The following DNM3 variants were observed in gnomAD, a reference collection of about 807,000 sequenced individuals.
DNM3 encodes the protein dynamin-3.
Under a neutral mutation model 101.6 loss-of-function variants are expected in DNM3, and 47 were observed. That is an observed-to-expected ratio of 0.46 (90% CI 0.37 to 0.59). DNM3 has a LOEUF of 0.59. Ranked by LOEUF, DNM3 falls within the 20% of genes least tolerant of loss-of-function variation. DNM3 has a pLI of 0.00. For synonymous variants in DNM3, 385 were observed against 387.9 expected, an observed-to-expected ratio of 0.99 and a Z score of 0.09; for missense variants, 849 against 1,085.7, an observed-to-expected ratio of 0.78 and a Z score of 3.06.
intron 1 of DNM3, among the ~76,000 whole-genome samples, chr1:171,889,914 C>A (rs1037097793): frequency 6.6e-6 from 1 of 152,156 alleles, no homozygotes; most frequent in South Asian, 2.1e-4. Flanking sequence ...GTATAGCTGA[C>A]ATGCTTACAT....
At chr1:172,088,356 G>A (rs563785629) in intron 12 of DNM3, among the ~76,000 whole-genome samples, 1 of 152,246 alleles carries the variant, frequency 6.6e-6, no homozygotes, top group African/African-American at 2.4e-5. Flanking sequence ...GAGACAGGGG[G>A]TCTGGGCTGA....
intron 14 of DNM3, chr1:172,133,278 A>C: frequency 9.5e-7 from 1 of 1,054,796 alleles, no homozygotes. Flanking sequence ...TTATTGGCTC[A>C]TCTCCTCTCC....
chr1:172,155,416 G>A (rs1193889752), intron 14 of DNM3, among the ~76,000 whole-genome samples: 2 of 151,982 alleles, frequency 1.3e-5, no homozygotes, highest in East Asian at 1.9e-4. Context: ...CTTTATGGTG[G>A]AGAAAAGAAG....
intron 14 of DNM3, among the ~76,000 whole-genome samples, chr1:172,187,748 G>GA (rs1188653035): frequency 6.6e-6 from 1 of 152,016 alleles, no homozygotes; most frequent in African/African-American, 2.4e-5. Flanking sequence ...CAAATGTTAA[G>GA]AAAATCACTT....
At chr1:171,993,941 A>T (rs544963308) in intron 4 of DNM3, among the ~76,000 whole-genome samples, 8 of 151,272 alleles carry the variant, frequency 5.3e-5, no homozygotes, top group East Asian at 1.9e-4. Flanking sequence ...TGGTTCTTTT[A>T]AAAAAAAATT....
At chr1:172,391,677 G>A (rs1361250214) in intron 20 of DNM3, among the ~76,000 whole-genome samples, 5 of 150,912 alleles carry the variant, frequency 3.3e-5, no homozygotes, top group Non-Finnish European at 5.9e-5. Flanking sequence ...ATCATCTCTG[G>A]GAAAACAACC....
intron 14 of DNM3, among the ~76,000 whole-genome samples, chr1:172,164,510 A>G (rs946233759): frequency 1.3e-5 from 2 of 151,864 alleles, no homozygotes; most frequent in African/African-American, 4.8e-5. Flanking sequence ...GCCAGGCCAG[A>G]CCATGTATCT....
intron 15 of DNM3, among the ~76,000 whole-genome samples, chr1:172,257,987 C>T (rs1040448382): frequency 1.3e-5 from 2 of 151,802 alleles, no homozygotes; most frequent in East Asian, 1.9e-4. Context: ...TAACTACCTC[C>T]GTGAGATAAA....
At chr1:172,305,362 AAC>A (rs1443053702) in intron 15 of DNM3, among the ~76,000 whole-genome samples, 2 of 152,228 alleles carry the variant, frequency 1.3e-5, no homozygotes, top group Admixed American at 1.3e-4. Flanking sequence ...ATAGACCAAT[AAC>A]AGGCTCTGAA....
intron 17 of DNM3, among the ~76,000 whole-genome samples, chr1:172,353,686 A>G (rs959464313): frequency 6.6e-6 from 1 of 152,134 alleles, no homozygotes; most frequent in Non-Finnish European, 1.5e-5. Flanking sequence ...AATTTATTGT[A>G]TGGCCTTGGA....
chr1:172,032,144 C>T (rs1283166028), intron 4 of DNM3, among the ~76,000 whole-genome samples: 2 of 152,104 alleles, frequency 1.3e-5, no homozygotes, highest in East Asian at 3.9e-4. Flanking sequence ...TCTTATATTT[C>T]AAAATTATTT....
At chr1:172,133,069 T>A in intron 14 of DNM3, 1 of 1,451,652 alleles carries the variant, frequency 6.9e-7, no homozygotes, top group East Asian at 2.5e-5. Flanking sequence ...AGAGGACTTA[T>A]GAAGATGAAT....
intron 15 of DNM3, among the ~76,000 whole-genome samples, chr1:172,280,989 T>C (rs1444964305): frequency 6.6e-6 from 1 of 152,148 alleles, no homozygotes; most frequent in Non-Finnish European, 1.5e-5. Context: ...ACAATTATGT[T>C]CAAGGAACAG....
At chr1:172,221,122 C>T (rs964459048) in intron 14 of DNM3, among the ~76,000 whole-genome samples, 7 of 151,920 alleles carry the variant, frequency 4.6e-5, no homozygotes, top group African/African-American at 1.2e-4. Context: ...GGAACTCAGA[C>T]GCAGTATTCA....
chr1:171,885,058 C>T (rs6425468), intron 1 of DNM3, among the ~76,000 whole-genome samples: 114,049 of 152,020 alleles, frequency 0.75, 43,524 homozygotes, highest in African/African-American at 0.91. Flanking sequence ...TTGATCTATA[C>T]AGTTATCTAG....
At chr1:172,174,889 A>G (rs1275801846) in intron 14 of DNM3, among the ~76,000 whole-genome samples, 4 of 151,800 alleles carry the variant, frequency 2.6e-5, no homozygotes, top group Admixed American at 1.3e-4. Context: ...TGGTTCAGAA[A>G]GTTTCCATAA....
intron 14 of DNM3, chr1:172,138,305 CTT>C (rs1246219699): frequency 7.4e-6 from 1 of 134,692 alleles, no homozygotes; most frequent in African/African-American, 2.8e-5. Context: ...TTGGAATACT[CTT>C]TTTCTCCCTT....
intron 16 of DNM3, among the ~76,000 whole-genome samples, chr1:172,311,656 C>A (rs929753253): frequency 1.3e-5 from 2 of 152,148 alleles, no homozygotes; most frequent in African/African-American, 4.8e-5. Context: ...CCTAGAAAAT[C>A]AAAGTTATCC....
At chr1:171,907,113 A>G (rs1194470122) in intron 1 of DNM3, among the ~76,000 whole-genome samples, 4 of 152,168 alleles carry the variant, frequency 2.6e-5, no homozygotes, top group Admixed American at 6.5e-5. Context: ...TTTTGCCTCT[A>G]TTACTGTAAC....
Sources: allele counts gnomAD v4.1 joint callset (sites outside exome capture counted in the v4.1 genomes callset), GRCh38; gene constraint gnomAD v4.1.1; transcripts MANE v1.5; gene names NCBI Gene and HGNC (gene_info 2026-07-23, HGNC 2026-07-21).